CDH8: variants seen among roughly 807,000 people sequenced by gnomAD.
CDH8 encodes the protein cadherin 8, also known as cadherin-8.
A neutral mutation model predicts 68.1 loss-of-function variants in CDH8; 17 were observed. The observed-to-expected ratio is 0.25, with a 90% confidence interval of 0.17 to 0.37. The LOEUF (loss-of-function observed/expected upper bound fraction) is 0.37. CDH8 is among the 10% of genes least tolerant of loss of function. The pLI, the probability that CDH8 is intolerant of heterozygous loss-of-function variation, is 1.00. For synonymous variants in CDH8, 372 were observed against 365.1 expected (o/e 1.02, Z -0.21); for missense variants, 763 against 999.3 (o/e 0.76, Z 3.19).
At chr16:61,951,343 T>A (rs1211380451) in intron 2 of CDH8, among the ~76,000 whole-genome samples, 2 of 151,534 alleles carry the variant, frequency 1.3e-5, no homozygotes, top group African/African-American at 4.9e-5. Flanking sequence ...AACCCAGTCT[T>A]TACTAAAAAT....
chr16:61,804,329 G>C (rs112133540), intron 7 of CDH8, among the ~76,000 whole-genome samples: 1 of 151,814 alleles, frequency 6.6e-6, no homozygotes, highest in Non-Finnish European at 1.5e-5. Context: ...GTGTGTAGAG[G>C]GAAATTTATA....
chr16:61,722,042 C>A (rs937760108), intron 9 of CDH8, among the ~76,000 whole-genome samples: 1 of 150,880 alleles, frequency 6.6e-6, no homozygotes, highest in Admixed American at 6.6e-5. Context: ...GCAGTTACAG[C>A]TTCCTAAATG....
chr16:61,680,640 T>TACACACACAC (rs1963995431), intron 10 of CDH8, among the ~76,000 whole-genome samples: 1 of 150,736 alleles, frequency 6.6e-6, no homozygotes, highest in Non-Finnish European at 1.5e-5. Flanking sequence ...TACACACACA[T>TACACACACAC]ACATACACAC....
At chr16:61,801,822 C>T (rs1052877502) in intron 7 of CDH8, among the ~76,000 whole-genome samples, 63 of 152,316 alleles carry the variant, frequency 4.1e-4, no homozygotes, top group Non-Finnish European at 8.1e-4. Flanking sequence ...CCTACGCCCA[C>T]GGAGTCTCGC....
At chr16:61,661,343 G>T (rs944503783) in intron 10 of CDH8, among the ~76,000 whole-genome samples, 1 of 151,606 alleles carries the variant, frequency 6.6e-6, no homozygotes, top group African/African-American at 2.4e-5. Context: ...CTATATGCTA[G>T]GCCATAAAAC....
intron 2 of CDH8, among the ~76,000 whole-genome samples, chr16:61,934,862 G>A (rs1017247552): frequency 6.6e-6 from 1 of 152,124 alleles, no homozygotes; most frequent in Non-Finnish European, 1.5e-5. Flanking sequence ...ATAAAAATGT[G>A]AGCTTCAGCT....
At chr16:61,691,594 T>C (rs1964224179) in intron 10 of CDH8, among the ~76,000 whole-genome samples, 1 of 151,872 alleles carries the variant, frequency 6.6e-6, no homozygotes, top group African/African-American at 2.4e-5. Context: ...GTACGATCTT[T>C]AGTAGGATTG....
chr16:61,730,445 G>T (rs941361418), intron 8 of CDH8, among the ~76,000 whole-genome samples: 1 of 151,332 alleles, frequency 6.6e-6, no homozygotes, highest in Non-Finnish European at 1.5e-5. Context: ...CTCTGCAAGC[G>T]ACTAATGTTT....
chr16:61,831,174 C>T (rs1962446282), intron 4 of CDH8, among the ~76,000 whole-genome samples: 1 of 151,746 alleles, frequency 6.6e-6, no homozygotes, highest in African/African-American at 2.4e-5. Context: ...AGAAGTTTCC[C>T]TGGAACTTCA....
At chr16:61,931,314 C>G (rs925819131) in intron 2 of CDH8, among the ~76,000 whole-genome samples, 1 of 152,094 alleles carries the variant, frequency 6.6e-6, no homozygotes, top group Admixed American at 6.6e-5. Context: ...CGAGTGCACA[C>G]AACCATGCAC....
chr16:61,869,376 T>A (rs1963315519), intron 3 of CDH8, among the ~76,000 whole-genome samples: 1 of 152,158 alleles, frequency 6.6e-6, no homozygotes, highest in African/African-American at 2.4e-5. Flanking sequence ...TGAGACCTGC[T>A]ACTAGGGAAA....
intron 2 of CDH8, among the ~76,000 whole-genome samples, chr16:61,960,320 C>A (rs1310307149): frequency 1.7e-5 from 1 of 57,270 alleles, no homozygotes; most frequent in East Asian, 4.4e-4. Context: ...CACATATATA[C>A]GTGTGTGTGT....
intron 10 of CDH8, among the ~76,000 whole-genome samples, chr16:61,670,081 T>C (rs1963760348): frequency 6.6e-6 from 1 of 152,106 alleles, no homozygotes; most frequent in South Asian, 2.1e-4. Flanking sequence ...TCCCATCTCC[T>C]ACAATCTCTT....
intron 8 of CDH8, among the ~76,000 whole-genome samples, chr16:61,776,213 T>G (rs1357971859): frequency 6.6e-6 from 1 of 152,132 alleles, no homozygotes; most frequent in Non-Finnish European, 1.5e-5. Context: ...ACCTGTGTTA[T>G]CTCATTTAAC....
intron 4 of CDH8, among the ~76,000 whole-genome samples, chr16:61,841,634 ATAACT>A (rs1567495219): frequency 6.6e-6 from 1 of 152,174 alleles, no homozygotes; most frequent in Non-Finnish European, 1.5e-5. Context: ...GTCAATAATA[ATAACT>A]TAATTGTACA....
intron 8 of CDH8, among the ~76,000 whole-genome samples, chr16:61,754,439 T>C (rs1047867975): frequency 2.0e-5 from 3 of 152,118 alleles, no homozygotes; most frequent in African/African-American, 7.2e-5. Context: ...AAACAAGTGA[T>C]TGCATGAACT....
intron 2 of CDH8, among the ~76,000 whole-genome samples, chr16:62,010,411 C>A (rs1373785515): frequency 6.6e-6 from 1 of 152,096 alleles, no homozygotes; most frequent in African/African-American, 2.4e-5. Flanking sequence ...CTGTGATCAC[C>A]ACGCACAGGT....
chr16:61,822,610 G>T (rs1051583036), intron 5 of CDH8, among the ~76,000 whole-genome samples: 1 of 151,704 alleles, frequency 6.6e-6, no homozygotes, highest in East Asian at 2.0e-4. Flanking sequence ...TTAGAATCAC[G>T]AAGTTATAGG....
intron 10 of CDH8, among the ~76,000 whole-genome samples, chr16:61,702,441 T>A (rs1964450512): frequency 6.6e-6 from 1 of 152,120 alleles, no homozygotes; most frequent in Non-Finnish European, 1.5e-5. Flanking sequence ...TGAGTCAGTG[T>A]CATTGTAACG....
Sources: gnomAD v4.1 joint callset for allele counts (sites outside exome capture counted in the v4.1 genomes callset) on GRCh38, gnomAD v4.1.1 for gene constraint, MANE v1.5 for transcripts, NCBI Gene and HGNC (gene_info 2026-07-23, HGNC 2026-07-21) for gene names.